COL5A1: variants seen among roughly 807,000 people sequenced by gnomAD.
COL5A1 encodes collagen alpha-1(V) chain.
Under a neutral mutation model 263.7 loss-of-function variants are expected in COL5A1, and 16 were observed. The ratio of observed to expected loss-of-function variants is 0.06; its 90% CI spans 0.04 to 0.09. The LOEUF (loss-of-function observed/expected upper bound fraction) is 0.09, where lower values mean the gene tolerates loss of function less well. COL5A1 is among the 10% of genes least tolerant of loss of function. The pLI, the probability that COL5A1 is intolerant of heterozygous loss-of-function variation, is 1.00. For synonymous variants in COL5A1, 1,012 were observed against 1,004.5 expected (o/e 1.01, Z -0.14); for missense variants, 2,036 against 2,540.5 (o/e 0.80, Z 4.27).
chr9:134,672,275 G>A (rs761911177), intron 1 of COL5A1, among the ~76,000 whole-genome samples: 1 of 152,154 alleles, frequency 6.6e-6, no homozygotes, highest in Non-Finnish European at 1.5e-5. Flanking sequence ...CTACCAAAAA[G>A]TATAAAAAAG....
intron 32 of COL5A1, among the ~76,000 whole-genome samples, chr9:134,790,950 G>A (rs1360954601): frequency 1.3e-5 from 2 of 152,128 alleles, no homozygotes; most frequent in African/African-American, 4.8e-5. Flanking sequence ...ATGGAGGACT[G>A]TGTGGGACCA....
intron 28 of COL5A1, 121 bp from the exon 29 acceptor site, chr9:134,782,546 T>G: frequency 1.1e-6 from 1 of 930,808 alleles, no homozygotes; most frequent in Non-Finnish European, 1.8e-6. Flanking sequence ...GTCCGGGCCA[T>G]GTGCTGCCCC....
At chr9:134,804,355 G>T (rs181078541) in intron 39 of COL5A1, among the ~76,000 whole-genome samples, 1 of 152,062 alleles carries the variant, frequency 6.6e-6, no homozygotes, top group African/African-American at 2.4e-5. Flanking sequence ...AGGGAAAGTC[G>T]AGGCTAAGGG....
chr9:134,815,162 C>A (rs1429383556), intron 50 of COL5A1, among the ~76,000 whole-genome samples: 1 of 152,236 alleles, frequency 6.6e-6, no homozygotes, highest in African/African-American at 2.4e-5. Flanking sequence ...CTGAGATGCA[C>A]GAGTGACAGC....
At position 134,844,071 on chromosome 9, in the gene COL5A1, G is replaced by A. The variant is rs1422659751; in HGVS notation, c.*1768G>A. 6.6e-6 allele frequency: 1 copy of A among 152,394 alleles called. No homozygotes were observed. Among genetic ancestry groups the A allele is most frequent in the Non-Finnish European group, 1.5e-5 (1 of 68,040 alleles). The allele number at this position is 152,394 out of a possible 1,614,324, so 9.4% of individuals were successfully genotyped here. On this transcript the variant is annotated 3_prime_UTR_variant, in exon 66 of 66. Transcript: ENST00000371817. ...TTCTACCATGGGAAATGCAGGCTGGGCCCTTGGGGTGAGCCTGCGGGGCTC... is the reference window on the plus strand; with the variant it reads ...TTCTACCATGGGAAATGCAGGCTGGACCCTTGGGGTGAGCCTGCGGGGCTC...
intron 18 of COL5A1, among the ~76,000 whole-genome samples, chr9:134,761,126 C>T (rs781470253): frequency 4.0e-5 from 6 of 150,436 alleles, no homozygotes; most frequent in Non-Finnish European, 8.9e-5. Context: ...CATGCACACT[C>T]ATACCCCCAC....
intron 32 of COL5A1, among the ~76,000 whole-genome samples, chr9:134,790,569 CCCAT>C (rs1399436342): frequency 3.9e-4 from 25 of 63,548 alleles, no homozygotes; most frequent in East Asian, 5.8e-4. Flanking sequence ...CACCCACCCA[CCCAT>C]CCATCCATCC....
At position 134,754,007 on chromosome 9, in the gene COL5A1, A is replaced by C; in HGVS notation, c.1773+104A>C. 9.4e-7 allele frequency: 1 copy of C among 1,065,536 alleles called. No individual in the cohort carries two copies. Among genetic ancestry groups the C allele is most frequent in the African/African-American group, 1.6e-5 (1 of 64,448 alleles). The allele number at this position is 1,065,536 out of a possible 1,614,324, so 66.0% of individuals were successfully genotyped here. On this transcript the variant is annotated intron_variant, in intron 15 of 65. Transcript: ENST00000371817. The surrounding 1 kb of genome is among the most constrained non-coding windows in gnomAD (Gnocchi z 4.3). ...CCCAACTGCTGCATGTTTTCAAGGA[A>C]ATTCGTGGGAATTGTCCTTGCTTTA...
chr9:134,781,553 G>A (rs755354987), intron 28 of COL5A1, among the ~76,000 whole-genome samples: 22 of 152,316 alleles, frequency 1.4e-4, no homozygotes, highest in South Asian at 8.3e-4. Context: ...ATCTTGTCAC[G>A]TTTGTCCCTA....
chr9:134,764,340 G>T (rs1362887102), intron 20 of COL5A1, among the ~76,000 whole-genome samples: 2 of 122,776 alleles, frequency 1.6e-5, no homozygotes, highest in African/African-American at 3.1e-5. Flanking sequence ...GGCATGGGGG[G>T]TTCAAGGGCA....
intron 61 of COL5A1, among the ~76,000 whole-genome samples, chr9:134,823,928 G>A (rs552743593): frequency 3.3e-5 from 5 of 152,064 alleles, no homozygotes; most frequent in Non-Finnish European, 7.3e-5. Flanking sequence ...GTGTGCATGT[G>A]TAGTGTGTGT....
At chr9:134,797,129 C>T (rs1004131283) in intron 36 of COL5A1, among the ~76,000 whole-genome samples, 4 of 152,262 alleles carry the variant, frequency 2.6e-5, no homozygotes, top group Non-Finnish European at 4.4e-5. Context: ...CTGCCGGGCC[C>T]GCTGGCACTG....
chr9:134,784,414 C>T (rs1436354058), intron 29 of COL5A1, among the ~76,000 whole-genome samples: 1 of 152,202 alleles, frequency 6.6e-6, no homozygotes, highest in African/African-American at 2.4e-5. Context: ...GCTCCAGAGC[C>T]CTCTCCCCTT....
In COL5A1 at chr9:134,810,327, G is replaced by A. The variant is rs200672136; in HGVS notation, c.3528+19G>A. On this transcript the variant is annotated intron_variant, in intron 44 of 65. Transcript: ENST00000371817. ...AGAACAGGTAAGTATTGGCACGGGG[G>A]CGCGCGGCAGCCCCCAGGTCCCGGG... The A allele has an allele frequency of 1.2e-6, 2 of 1,612,440 alleles. No individual in the cohort carries two copies. Among genetic ancestry groups the A allele is most frequent in the South Asian group, 1.1e-5 (1 of 91,056 alleles).
Position 134,812,835 on chromosome 9 carries a change from C to T in COL5A1, c.3852+123C>T, listed in dbSNP as rs977500838. 3.1e-5 allele frequency: 23 copies of T among 751,694 alleles called. No homozygotes were observed. The Admixed American group carries it at 4.2e-4, about 14-fold the overall frequency. The allele number at this position is 751,694 out of a possible 1,614,324, so 46.6% of individuals were successfully genotyped here. ...ATGCACACGCTTGTGGGGGTGCATA[C>T]ACGTGTGTGTACCTCTCTGTGTGTA... On this transcript the variant is annotated intron_variant, in intron 48 of 65. Coordinates refer to ENST00000371817, the MANE Select transcript of COL5A1 (RefSeq NM_000093.5).
intron 32 of COL5A1, among the ~76,000 whole-genome samples, chr9:134,793,356 T>C (rs988671176): frequency 6.8e-6 from 1 of 147,386 alleles, no homozygotes; most frequent in African/African-American, 2.5e-5. Flanking sequence ...ACAAGCAATT[T>C]GCAAGGGAGA....
intron 16 of COL5A1, 59 bp from the exon 17 acceptor site, chr9:134,756,706 C>A: frequency 6.4e-7 from 1 of 1,561,716 alleles, no homozygotes; most frequent in Non-Finnish European, 8.8e-7. Flanking sequence ...AACCATGGCC[C>A]GGGGGTCTCA....
intron 37 of COL5A1, among the ~76,000 whole-genome samples, chr9:134,801,539 C>T (rs781540214): frequency 9.2e-5 from 14 of 152,174 alleles, no homozygotes; most frequent in Non-Finnish European, 1.6e-4. Flanking sequence ...CTGTAATCCC[C>T]GCACTTTGGG....
At position 134,678,726 on chromosome 9, in the gene COL5A1, G is replaced by A. The variant is rs903131313; in HGVS notation, c.110-12186G>A. Among the ~76,000 whole-genome samples, 3 of 152,224 alleles carry A rather than the reference G, an allele frequency of 2.0e-5. No individual in the cohort carries two copies. Among genetic ancestry groups the A allele is most frequent in the African/African-American group, 2.4e-5 (1 of 41,460 alleles). ...GCCCAAGTGATCCACCAGGACTCTC[G>A]CAGTGCAGACAAAATGAAACTGGCC... On this transcript the variant is annotated intron_variant, in intron 1 of 65. Transcript: ENST00000371817. The surrounding 1 kb of genome is among the most constrained non-coding windows in gnomAD (Gnocchi z 5.5).
Sources: gnomAD v4.1 joint callset for allele counts (sites outside exome capture counted in the v4.1 genomes callset) on GRCh38, gnomAD v4.1.1 for gene constraint, Gnocchi (gnomAD v3.1) non-coding constraint, MANE v1.5 for transcripts, NCBI Gene and HGNC (gene_info 2026-07-23, HGNC 2026-07-21) for gene names.